Variants in DISC1 observed in about 807,000 individuals in gnomAD.
DISC1 encodes DISC1 scaffold protein.
In DISC1, 57 loss-of-function variants were observed where a neutral mutation model predicts 84.5. The observed-to-expected ratio is 0.67, with a 90% CI of 0.55 to 0.84. The LOEUF (loss-of-function observed/expected upper bound fraction) is 0.84. DISC1 is among the 40% of genes least tolerant of loss of function. The probability of loss-of-function intolerance (pLI) is 0.00; values close to 1 mark genes in which losing one functional copy is unlikely to be tolerated. For missense variants in DISC1, 1,000 were observed against 1,057.8 expected (o/e 0.95, Z 0.76); for synonymous variants, 411 against 415.2 (o/e 0.99, Z 0.12).
chr1:231,766,520 C>T (rs1229947043), intron 4 of DISC1, among the ~76,000 whole-genome samples: 1 of 152,154 alleles, frequency 6.6e-6, no homozygotes, highest in Non-Finnish European at 1.5e-5. Flanking sequence ...ACAACCTTCT[C>T]ATTGACTAGT....
intron 6 of DISC1, 24 bp from the exon 7 acceptor site, chr1:231,795,218 A>G (rs552153587): frequency 1.4e-5 from 22 of 1,611,566 alleles, no homozygotes; most frequent in Non-Finnish European, 1.9e-5. Flanking sequence ...AAGAAGACCA[A>G]TCTCCTCTTT....
At chr1:231,964,088 G>A (rs1370242165) in intron 10 of DISC1, among the ~76,000 whole-genome samples, 4 of 152,058 alleles carry the variant, frequency 2.6e-5, no homozygotes, top group Non-Finnish European at 5.9e-5. Flanking sequence ...TCTTTCTTTG[G>A]TGGCAGAAAT....
At chr1:231,692,956 C>G (rs1459069802) in intron 1 of DISC1, among the ~76,000 whole-genome samples, 2 of 152,194 alleles carry the variant, frequency 1.3e-5, no homozygotes, top group Non-Finnish European at 2.9e-5. Context: ...ACATTTTAAT[C>G]ACTCTTATCA....
intron 9 of DISC1, among the ~76,000 whole-genome samples, chr1:231,956,243 T>C (rs1397141541): frequency 6.6e-6 from 1 of 152,234 alleles, no homozygotes; most frequent in Admixed American, 6.5e-5. Flanking sequence ...TCATTGAACC[T>C]AAGCACAAAA....
intron 6 of DISC1, chr1:231,774,591 T>G (rs1341034854): frequency 2.4e-6 from 1 of 418,998 alleles, no homozygotes; most frequent in African/African-American, 2.0e-5. Context: ...CAGTGTGGGC[T>G]GTGTAGGTGC....
intron 1 of DISC1, among the ~76,000 whole-genome samples, chr1:231,639,287 C>G (rs2059437322): frequency 6.6e-6 from 1 of 152,192 alleles, no homozygotes; most frequent in Non-Finnish European, 1.5e-5. Flanking sequence ...GAAAAATGTC[C>G]ATTCTCCATA....
intron 9 of DISC1, among the ~76,000 whole-genome samples, chr1:231,842,932 T>A (rs2083179550): frequency 1.3e-5 from 2 of 152,162 alleles, no homozygotes; most frequent in South Asian, 4.1e-4. Context: ...TCATGGTAAA[T>A]CTGTCCTTGC....
At chr1:231,657,874 G>C (rs1264813186) in intron 1 of DISC1, among the ~76,000 whole-genome samples, 1 of 152,134 alleles carries the variant, frequency 6.6e-6, no homozygotes, top group African/African-American at 2.4e-5. Context: ...TGCTGTTTTG[G>C]TTACTGTAGC....
Position 232,039,386 on chromosome 1 carries a change from T to C in DISC1, c.*2555T>C, listed in dbSNP as rs1262947599. 1 of 152,230 alleles carries C rather than the reference T, an allele frequency of 6.6e-6. No homozygotes were observed. The highest frequency in any genetic ancestry group is 1.5e-5 in the Non-Finnish European group (1 of 68,042). 9.4% of individuals were successfully genotyped at this position (152,230 alleles called of 1,614,324 possible). A position where few individuals can be genotyped will look rare whatever the true frequency, so the allele number is the denominator to read the frequency against. Reference sequence around the variant, plus strand: ...GAGGTCATGATGTATTTGAAAATTCTGCAAGTTAATAACTGCCTTGAATTG... The same window carrying C: ...GAGGTCATGATGTATTTGAAAATTCCGCAAGTTAATAACTGCCTTGAATTG... On this transcript the variant is annotated 3_prime_UTR_variant, in exon 13 of 13. Coordinates refer to ENST00000439617, the MANE Select transcript of DISC1 (RefSeq NM_018662.3).
At chr1:231,873,301 C>T (rs1009338517) in intron 9 of DISC1, among the ~76,000 whole-genome samples, 2 of 152,204 alleles carry the variant, frequency 1.3e-5, no homozygotes, top group African/African-American at 4.8e-5. Context: ...GGCTACTAAT[C>T]TCCATTTCAA....
chr1:231,967,785 C>T (rs1373979743), intron 10 of DISC1, among the ~76,000 whole-genome samples: 1 of 152,148 alleles, frequency 6.6e-6, no homozygotes, highest in Non-Finnish European at 1.5e-5. Flanking sequence ...TTGCATTTAA[C>T]TTTTACCTTA....
chr1:231,679,766 C>T (rs200606072), intron 1 of DISC1, among the ~76,000 whole-genome samples: 7 of 152,236 alleles, frequency 4.6e-5, no homozygotes, highest in Non-Finnish European at 8.8e-5. Flanking sequence ...AGTTTTCCCA[C>T]TGTCGTCTTC....
intron 9 of DISC1, among the ~76,000 whole-genome samples, chr1:231,868,840 G>A (rs923763460): frequency 2.0e-5 from 3 of 149,200 alleles, no homozygotes; most frequent in Admixed American, 6.7e-5. Context: ...TGCTGTCATT[G>A]TGCCACTGCA....
chr1:231,734,368 G>A (rs746123603), intron 3 of DISC1, among the ~76,000 whole-genome samples: 1 of 152,150 alleles, frequency 6.6e-6, no homozygotes, highest in African/African-American at 2.4e-5. Context: ...TTTTGGAGGT[G>A]CCCATAATCA....
At chr1:231,778,730 TG>T (rs751138881) in intron 6 of DISC1, among the ~76,000 whole-genome samples, 4 of 152,206 alleles carry the variant, frequency 2.6e-5, no homozygotes, top group Non-Finnish European at 5.9e-5. Flanking sequence ...CTTATCTGGC[TG>T]GGTACAGATG....
chr1:232,014,710 G>A (rs79662201), intron 11 of DISC1, among the ~76,000 whole-genome samples: 4 of 152,230 alleles, frequency 2.6e-5, no homozygotes, highest in East Asian at 3.9e-4. Flanking sequence ...CATGACCCTC[G>A]TTGTGTAAAC....
At chr1:231,959,015 A>G (rs895871892) in intron 10 of DISC1, 127 bp downstream of exon 10, 31 of 1,453,900 alleles carry the variant, frequency 2.1e-5, no homozygotes, top group Non-Finnish European at 2.8e-5. Context: ...GAAAGACACA[A>G]AAAAGCCTTT....
chr1:231,728,348 C>A (rs74146725), intron 3 of DISC1, among the ~76,000 whole-genome samples: 2,432 of 152,308 alleles, frequency 0.016, 87 homozygotes, highest in African/African-American at 0.055. Flanking sequence ...TTACAGCACA[C>A]AGTGCGGTAG....
chr1:231,907,171 C>T (rs868429172), intron 9 of DISC1, among the ~76,000 whole-genome samples: 8 of 69,850 alleles, frequency 1.1e-4, no homozygotes, highest in Admixed American at 1.0e-3. Context: ...CTTTCTTTCT[C>T]TTTCTTTTAT....
Sources: allele counts gnomAD v4.1 joint callset (sites outside exome capture counted in the v4.1 genomes callset), GRCh38; gene constraint gnomAD v4.1.1; transcripts MANE v1.5; gene names NCBI Gene and HGNC (gene_info 2026-07-23, HGNC 2026-07-21).